Variants in GNG12 observed in about 807,000 individuals in gnomAD.
The protein encoded by GNG12 is G protein subunit gamma 12, also known as guanine nucleotide-binding protein G(I)/G(S)/G(O) subunit gamma-12.
For missense variants in GNG12, 69 were observed against 83.8 expected, an observed-to-expected ratio of 0.82 and a Z score of 0.69; for synonymous variants, 28 against 29.7, an observed-to-expected ratio of 0.94 and a Z score of 0.19.
chr1:67,754,918 T>C (rs77864043), intron 2 of GNG12, among the ~76,000 whole-genome samples: 3,619 of 152,320 alleles, frequency 0.024, 155 homozygotes, highest in African/African-American at 0.083. Context: ...TCTTTCCTCA[T>C]GTGATGAAGG....
intron 2 of GNG12, among the ~76,000 whole-genome samples, chr1:67,758,946 A>G (rs1252414755): frequency 6.6e-6 from 1 of 152,182 alleles, no homozygotes; most frequent in African/African-American, 2.4e-5. Flanking sequence ...AGGGAGAAAG[A>G]ATAAGTTTTA....
intron 1 of GNG12, among the ~76,000 whole-genome samples, chr1:67,792,213 G>C (rs929820303): frequency 2.1e-5 from 3 of 143,840 alleles, no homozygotes; most frequent in Non-Finnish European, 3.1e-5. Flanking sequence ...TGTCAATGCC[G>C]TAAGAAAAGG....
chr1:67,759,429 A>C (rs1646589525), intron 2 of GNG12, among the ~76,000 whole-genome samples: 1 of 152,196 alleles, frequency 6.6e-6, no homozygotes, highest in Admixed American at 6.5e-5. Context: ...AAGAAAACGA[A>C]TTCTGGAATC....
At chr1:67,792,213 G>A (rs929820303) in intron 1 of GNG12, among the ~76,000 whole-genome samples, 2 of 143,840 alleles carry the variant, frequency 1.4e-5, no homozygotes, top group South Asian at 2.2e-4. Context: ...TGTCAATGCC[G>A]TAAGAAAAGG....
At chr1:67,774,228 G>C (rs946996191) in intron 2 of GNG12, among the ~76,000 whole-genome samples, 4 of 152,176 alleles carry the variant, frequency 2.6e-5, no homozygotes, top group Admixed American at 2.6e-4. Flanking sequence ...GAAGCTCAGA[G>C]GTAAGTCTGT....
At chr1:67,813,992 A>C (rs1269339110) in intron 1 of GNG12, among the ~76,000 whole-genome samples, 1 of 152,096 alleles carries the variant, frequency 6.6e-6, no homozygotes, top group Non-Finnish European at 1.5e-5. Context: ...CCCCAGGAGG[A>C]AGATAAGGTA....
At chr1:67,814,020 T>C (rs776194973) in intron 1 of GNG12, among the ~76,000 whole-genome samples, 18 of 152,186 alleles carry the variant, frequency 1.2e-4, no homozygotes, top group Admixed American at 2.0e-4. Flanking sequence ...CAAGTTTACA[T>C]AGGTAGCAAG....
chr1:67,712,831 CT>C (rs11310806), intron 2 of GNG12, among the ~76,000 whole-genome samples: 97,266 of 147,086 alleles, frequency 0.66, 31,851 homozygotes, highest in South Asian at 0.69. Flanking sequence ...CCATGTGGTT[CT>C]TTTTTTTTTT....
intron 2 of GNG12, among the ~76,000 whole-genome samples, chr1:67,710,903 T>C (rs1433686175): frequency 6.6e-6 from 1 of 152,140 alleles, no homozygotes; most frequent in Non-Finnish European, 1.5e-5. Flanking sequence ...GTACAATATG[T>C]TGAGAATAAA....
At chr1:67,823,002 T>G (rs1646992766) in intron 1 of GNG12, among the ~76,000 whole-genome samples, 1 of 152,206 alleles carries the variant, frequency 6.6e-6, no homozygotes, top group African/African-American at 2.4e-5. Context: ...TGAGCTCTGG[T>G]TTGACTTCTT....
chr1:67,791,638 C>T (rs1168098157), intron 1 of GNG12, among the ~76,000 whole-genome samples: 6 of 152,208 alleles, frequency 3.9e-5, no homozygotes, highest in African/African-American at 1.4e-4. Context: ...TCCTGTCAGC[C>T]CTACCTTCAA....
Position 67,752,243 on chromosome 1 carries a change from C to G in GNG12, c.-27+25215G>C, listed in dbSNP as rs545374823. On this transcript the variant is annotated intron_variant, in intron 2 of 3. Transcript: ENST00000370982. ...ATTGAATCAATGCAGTAATTAAGTA[C>G]CCCATATTCATCTTTCCTTGGCGTT... is the stretch of plus-strand genomic sequence containing the variant. 2.0e-5 allele frequency among the ~76,000 whole-genome samples: 3 copies of G among 152,322 alleles called. No homozygotes were observed. In the East Asian group the frequency reaches 5.8e-4, roughly 29 times the overall value.
At chr1:67,711,524 C>T (rs563162515) in intron 2 of GNG12, among the ~76,000 whole-genome samples, 2 of 152,128 alleles carry the variant, frequency 1.3e-5, no homozygotes, top group South Asian at 2.1e-4. Flanking sequence ...TTCTCATGCA[C>T]ACAGAAATTC....
At chr1:67,787,009 G>A (rs1238920741) in intron 1 of GNG12, among the ~76,000 whole-genome samples, 1 of 141,486 alleles carries the variant, frequency 7.1e-6, no homozygotes, top group African/African-American at 2.7e-5. Context: ...GTGTATATCT[G>A]TGTGTGTGTA....
chr1:67,703,557 T>C lies in GNG12; in HGVS notation c.*1894A>G, dbSNP rs189533261. The C allele has an allele frequency of 5.1e-4, 77 of 152,344 alleles. No homozygotes were observed. Among genetic ancestry groups the C allele is most frequent in the African/African-American group, 1.7e-3 (71 of 41,584 alleles). The allele number at this position is 152,344 out of a possible 1,614,324, so 9.4% of individuals were successfully genotyped here. On this transcript the variant is annotated 3_prime_UTR_variant, in exon 4 of 4. Coordinates refer to ENST00000370982, the MANE Select transcript of GNG12 (RefSeq NM_018841.6). ...AGCATTAAATGTAAAGTTGTCTTTT[T>C]AGTGTAAATTTCAAATCTCACCCTT... is the stretch of plus-strand genomic sequence containing the variant.
chr1:67,786,557 G>A (rs1340475084), intron 1 of GNG12, among the ~76,000 whole-genome samples: 1 of 152,140 alleles, frequency 6.6e-6, no homozygotes, highest in Non-Finnish European at 1.5e-5. Context: ...CCTGCTGCTT[G>A]TGAGTGTCTC....
At chr1:67,808,646 T>C (rs982674295) in intron 1 of GNG12, among the ~76,000 whole-genome samples, 22 of 152,272 alleles carry the variant, frequency 1.4e-4, no homozygotes, top group African/African-American at 4.8e-4. Context: ...TGCTTTCCTA[T>C]AGACCAGTCA....
intron 2 of GNG12, among the ~76,000 whole-genome samples, chr1:67,761,039 T>C (rs1646600165): frequency 2.0e-5 from 3 of 152,160 alleles, no homozygotes; most frequent in Admixed American, 6.5e-5. Flanking sequence ...TAGGTCTAAG[T>C]TTCTGAAATA....
chr1:67,764,087 T>C (rs1048783403), intron 2 of GNG12, among the ~76,000 whole-genome samples: 1 of 152,206 alleles, frequency 6.6e-6, no homozygotes, highest in African/African-American at 2.4e-5. Context: ...ACTCAGTAAA[T>C]ACTGAGTGTA....
Sources: allele counts gnomAD v4.1 joint callset (sites outside exome capture counted in the v4.1 genomes callset), GRCh38; gene constraint gnomAD v4.1.1; transcripts MANE v1.5; gene names NCBI Gene and HGNC (gene_info 2026-07-23, HGNC 2026-07-21).